The following MAST2 variants were observed in gnomAD, a reference collection of about 807,000 sequenced individuals.
The protein encoded by MAST2 is microtubule-associated serine/threonine-protein kinase 2.
MAST2 carries 70 observed loss-of-function variants against 147.4 expected under a neutral mutation model. That is an observed-to-expected ratio of 0.47 (90% CI 0.39 to 0.58). MAST2 has a LOEUF of 0.58. MAST2 is among the 20% of genes least tolerant of loss of function. The pLI is 0.00. For synonymous variants in MAST2, 869 were observed against 896.8 expected (o/e 0.97, Z 0.55); for missense variants, 2,080 against 2,302.3 (o/e 0.90, Z 1.98).
intron 1 of MAST2, among the ~76,000 whole-genome samples, chr1:45,811,474 G>A (rs1182564443): frequency 6.6e-6 from 1 of 151,510 alleles, no homozygotes; most frequent in Non-Finnish European, 1.5e-5. Context: ...GAGTAGCTGG[G>A]ACTACAGGCG....
Position 46,033,898 on chromosome 1 carries a change from C to G in MAST2, c.3634C>G (p.Arg1212Gly). Residue 1212 changes from arginine (R) to glycine (G), a missense_variant, in exon 27 of 29, where the codon CGA becomes GGA. This residue lies in a region of MAST2 where 1,278 missense variants were observed against 1,304.2 expected (regional missense o/e 0.98). Coordinates refer to ENST00000361297, the MANE Select transcript of MAST2 (RefSeq NM_015112.3). Reference sequence around the variant, plus strand: ...GGGCAGCTACAAGGCCAAGATGGCCCGAAGGAGCAAGAGGAGCCGCGGCAA... The same window carrying G: ...GGGCAGCTACAAGGCCAAGATGGCCGGAAGGAGCAAGAGGAGCCGCGGCAA... The part of the protein sequence containing the change: ...RKGSYKAKMA[R>G]RSKRSRGKDG... 6.2e-7 allele frequency: 1 copy of G among 1,614,104 alleles called. No individual in the cohort carries two copies. Among genetic ancestry groups the G allele is most frequent in the Non-Finnish European group, 8.5e-7 (1 of 1,180,020 alleles).
Position 46,034,090 on chromosome 1 carries a change from T to C in MAST2, c.3692T>C (p.Leu1231Pro), listed in dbSNP as rs1457802988. ...DGQESRKRSSLFRKITKQASL... is the reference protein window; with the variant it reads ...DGQESRKRSSPFRKITKQASL... The stretch of plus-strand genomic sequence containing the variant: ...CCCCGCAGCAGAAAAAGGAGCTCCC[T>C]GTTCCGCAAGATCACCAAGCAAGCA... Residue 1231 changes from leucine (L) to proline (P), a missense_variant, in exon 28 of 29, where the codon CTG becomes CCG. This residue lies in a region of MAST2 where 1,278 missense variants were observed against 1,304.2 expected (regional missense o/e 0.98). Transcript: ENST00000361297. The C allele has an allele frequency of 6.2e-7, 1 of 1,613,538 alleles. No homozygotes were observed. Among genetic ancestry groups the C allele is most frequent in the Non-Finnish European group, 8.5e-7 (1 of 1,179,776 alleles).
chr1:45,940,015 G>A (rs547220195), intron 4 of MAST2, among the ~76,000 whole-genome samples: 72 of 53,422 alleles, frequency 1.3e-3, no homozygotes, highest in Non-Finnish European at 1.8e-3. Flanking sequence ...ATGGAGTTTC[G>A]CTCTTTTGCC....
intron 1 of MAST2, among the ~76,000 whole-genome samples, chr1:45,812,065 C>T (rs757881538): frequency 5.9e-5 from 9 of 152,076 alleles, no homozygotes; most frequent in African/African-American, 1.2e-4. Flanking sequence ...CCACCGCGCG[C>T]GGCACAGGAG....
intron 9 of MAST2, 78 bp downstream of exon 9, chr1:46,008,449 G>A (rs1008022137): frequency 5.1e-5 from 47 of 919,678 alleles, no homozygotes; most frequent in Non-Finnish European, 8.2e-5. Flanking sequence ...GGAGACTCTG[G>A]AGTGAAGGAA....
At chr1:45,849,621 G>A (rs538869741) in intron 3 of MAST2, among the ~76,000 whole-genome samples, 1 of 151,916 alleles carries the variant, frequency 6.6e-6, no homozygotes, top group Non-Finnish European at 1.5e-5. Context: ...CCACCTCCCA[G>A]GTTCACACCA....
intron 4 of MAST2, among the ~76,000 whole-genome samples, chr1:45,903,491 T>C (rs192505475): frequency 2.5e-3 from 388 of 152,334 alleles, no homozygotes; most frequent in African/African-American, 8.7e-3. Context: ...TGGTATGTTG[T>C]GTCTCTATTT....
At chr1:45,897,572 G>A (rs1297645661) in intron 4 of MAST2, among the ~76,000 whole-genome samples, 1 of 152,116 alleles carries the variant, frequency 6.6e-6, no homozygotes, top group African/African-American at 2.4e-5. Context: ...ACTTTGGGAG[G>A]CCAAGGCAGG....
chr1:45,998,794 C>T (rs1035366951), intron 6 of MAST2, among the ~76,000 whole-genome samples: 2 of 150,922 alleles, frequency 1.3e-5, no homozygotes, highest in Non-Finnish European at 2.9e-5. Context: ...GTGGCATGAT[C>T]TCGGCTCACT....
At chr1:46,027,526 G>A (rs1055400446) in intron 16 of MAST2, among the ~76,000 whole-genome samples, 1 of 152,268 alleles carries the variant, frequency 6.6e-6, no homozygotes, top group South Asian at 2.1e-4. Context: ...CAAAAGGCAG[G>A]TTCGTTGCTT....
At chr1:45,964,680 C>T (rs1440909645) in intron 5 of MAST2, among the ~76,000 whole-genome samples, 6 of 152,024 alleles carry the variant, frequency 3.9e-5, no homozygotes, top group Non-Finnish European at 7.4e-5. Context: ...CCTGGATTCA[C>T]TGATTTTTTT....
At chr1:45,931,377 G>GTTTT (rs71587091) in intron 4 of MAST2, among the ~76,000 whole-genome samples, 5,250 of 101,086 alleles carry the variant, frequency 0.052, 508 homozygotes, top group East Asian at 0.12. Flanking sequence ...ATTGTGTTCT[G>GTTTT]TTTTTTTTTT....
intron 3 of MAST2, among the ~76,000 whole-genome samples, chr1:45,878,202 T>C (rs1646688851): frequency 1.5e-5 from 1 of 66,378 alleles, no homozygotes; most frequent in African/African-American, 5.4e-5. Flanking sequence ...AGGCTCTATC[T>C]CAAAAAAAAA....
intron 1 of MAST2, among the ~76,000 whole-genome samples, chr1:45,815,060 A>C (rs1443423665): frequency 1.3e-5 from 2 of 152,240 alleles, no homozygotes; most frequent in Non-Finnish European, 2.9e-5. Flanking sequence ...AGGTTCCTTA[A>C]GAGTGAACCT....
At chr1:45,818,588 C>A (rs1384721676) in intron 1 of MAST2, among the ~76,000 whole-genome samples, 2 of 152,124 alleles carry the variant, frequency 1.3e-5, no homozygotes, top group East Asian at 3.8e-4. Context: ...GTAGGATGGT[C>A]GATGTTGAGT....
intron 4 of MAST2, among the ~76,000 whole-genome samples, chr1:45,893,986 G>A (rs1297142852): frequency 6.6e-6 from 1 of 152,136 alleles, no homozygotes; most frequent in African/African-American, 2.4e-5. Flanking sequence ...AGGCCAAGGT[G>A]GGAGGATTGC....
chr1:45,937,443 A>G (rs1317068375), intron 4 of MAST2, among the ~76,000 whole-genome samples: 1 of 151,926 alleles, frequency 6.6e-6, no homozygotes. Flanking sequence ...GACAAAATTT[A>G]CAAAGTATAA....
intron 5 of MAST2, among the ~76,000 whole-genome samples, chr1:45,962,133 G>C (rs1660511884): frequency 6.6e-6 from 1 of 152,050 alleles, no homozygotes; most frequent in Non-Finnish European, 1.5e-5. Flanking sequence ...GTATTCCATG[G>C]TGTATATGTG....
At chr1:45,889,192 T>A (rs544863151) in intron 4 of MAST2, among the ~76,000 whole-genome samples, 148 of 150,602 alleles carry the variant, frequency 9.8e-4, no homozygotes, top group Non-Finnish European at 1.5e-3. Context: ...TTGGTGAAAT[T>A]TTTTTTTTTT....
Sources: allele counts gnomAD v4.1 joint callset (sites outside exome capture counted in the v4.1 genomes callset), GRCh38; gene constraint gnomAD v4.1.1; regional missense constraint gnomAD v4.1.1; transcripts MANE v1.5; gene names NCBI Gene and HGNC (gene_info 2026-07-23, HGNC 2026-07-21).